The following LUZP2 variants were observed in gnomAD, a reference collection of about 807,000 sequenced individuals.
LUZP2 encodes leucine zipper protein 2.
A neutral mutation model predicts 51.6 loss-of-function variants in LUZP2; 52 were observed. The observed-to-expected ratio is 1.01, with a 90% CI of 0.81 to 1.27. The LOEUF (loss-of-function observed/expected upper bound fraction) is 1.27. Ranked by LOEUF, LUZP2 falls within the 50% of genes most tolerant of loss-of-function variation. LUZP2 has a pLI of 0.00. For synonymous variants in LUZP2, 154 were observed against 137.3 expected (o/e 1.12, Z -0.85); for missense variants, 436 against 395.4 (o/e 1.10, Z -0.87).
chr11:24,649,794 A>G (rs12362733), intron 1 of LUZP2, among the ~76,000 whole-genome samples: 21,466 of 151,746 alleles, frequency 0.14, 1,935 homozygotes, highest in Admixed American at 0.21. Context: ...GTTGCTGATG[A>G]TTTTTCAAGA....
At chr11:24,610,991 T>G (rs563257635) in intron 1 of LUZP2, among the ~76,000 whole-genome samples, 1 of 152,324 alleles carries the variant, frequency 6.6e-6, no homozygotes, top group South Asian at 2.1e-4. Flanking sequence ...TAAACCAGAG[T>G]TATACCTACA....
At chr11:24,671,668 TG>T (rs1051685956) in intron 1 of LUZP2, among the ~76,000 whole-genome samples, 1 of 152,012 alleles carries the variant, frequency 6.6e-6, no homozygotes, top group African/African-American at 2.4e-5. Context: ...TTATTCAAAG[TG>T]GGATAACTTT....
intron 6 of LUZP2, among the ~76,000 whole-genome samples, chr11:24,907,370 T>C (rs1351788267): frequency 6.6e-6 from 1 of 151,910 alleles, no homozygotes; most frequent in Non-Finnish European, 1.5e-5. Flanking sequence ...TATAATATCT[T>C]TCCTATAATA....
rs146715169 is a variant in LUZP2, at chr11:24,917,748, T to G, written c.522+3210T>G. On this transcript the variant is annotated intron_variant, in intron 7 of 11. Coordinates refer to ENST00000336930, the MANE Select transcript of LUZP2 (RefSeq NM_001009909.4). ...TTTTGGTTACTGTAGCCTTGTAGTA[T>G]AACTTTAAGTCAGGTAGCATGATGT... 9.7e-3 allele frequency among the ~76,000 whole-genome samples: 1,473 copies of G among 152,314 alleles called. 19 individuals carry two copies. The highest frequency in any genetic ancestry group is 0.044 in the South Asian group (212 of 4,832).
At chr11:24,667,431 G>A (rs554358256) in intron 1 of LUZP2, among the ~76,000 whole-genome samples, 6 of 151,960 alleles carry the variant, frequency 3.9e-5, no homozygotes, top group East Asian at 1.9e-4. Context: ...GTGATCTGCC[G>A]TCCTCAGCCT....
intron 5 of LUZP2, among the ~76,000 whole-genome samples, chr11:24,877,149 A>G (rs1294148120): frequency 4.6e-5 from 7 of 152,180 alleles, no homozygotes; most frequent in Non-Finnish European, 1.0e-4. Context: ...TAGCTATCAT[A>G]CTTGCAAAAT....
chr11:24,506,965 G>T (rs1850163246), intron 1 of LUZP2, among the ~76,000 whole-genome samples: 1 of 151,846 alleles, frequency 6.6e-6, no homozygotes, highest in Non-Finnish European at 1.5e-5. Context: ...TACTGGCAAA[G>T]GACTGCATGT....
At chr11:24,869,506 G>T (rs1004362500) in intron 5 of LUZP2, among the ~76,000 whole-genome samples, 1 of 151,892 alleles carries the variant, frequency 6.6e-6, no homozygotes, top group African/African-American at 2.4e-5. Context: ...GCCGAGGCTG[G>T]AGTGGAGTGG....
chr11:24,652,716 A>T (rs1424526104), intron 1 of LUZP2, among the ~76,000 whole-genome samples: 4 of 152,168 alleles, frequency 2.6e-5, no homozygotes, highest in Non-Finnish European at 5.9e-5. Flanking sequence ...ATGAAAAATA[A>T]TTCAGATGTC....
intron 1 of LUZP2, among the ~76,000 whole-genome samples, chr11:24,581,464 A>G (rs1852851359): frequency 6.6e-6 from 1 of 152,062 alleles, no homozygotes; most frequent in Non-Finnish European, 1.5e-5. Context: ...TGAGGCCAGG[A>G]GTTTGAGATC....
At chr11:24,895,358 T>A (rs1217721796) in intron 5 of LUZP2, among the ~76,000 whole-genome samples, 1 of 152,152 alleles carries the variant, frequency 6.6e-6, no homozygotes, top group African/African-American at 2.4e-5. Context: ...AACTTTTTTT[T>A]TAATTTATCC....
intron 5 of LUZP2, among the ~76,000 whole-genome samples, chr11:24,846,155 A>T (rs1367494513): frequency 6.6e-6 from 1 of 151,954 alleles, no homozygotes; most frequent in Non-Finnish European, 1.5e-5. Flanking sequence ...AAAAAACACT[A>T]TAATTTTGTT....
intron 5 of LUZP2, among the ~76,000 whole-genome samples, chr11:24,783,913 TTGC>T (rs952035266): frequency 2.3e-4 from 35 of 151,998 alleles, no homozygotes; most frequent in Middle Eastern, 3.4e-3. Context: ...TTTGTTGCTG[TTGC>T]TGTTGTTGTT....
intron 5 of LUZP2, among the ~76,000 whole-genome samples, chr11:24,871,652 A>G (rs1342642733): frequency 2.6e-5 from 4 of 152,038 alleles, no homozygotes; most frequent in African/African-American, 9.7e-5. Flanking sequence ...AGGTTCCCCA[A>G]ATGTATTTAA....
intron 7 of LUZP2, among the ~76,000 whole-genome samples, chr11:24,930,218 C>A (rs1854404827): frequency 6.6e-6 from 1 of 152,080 alleles, no homozygotes; most frequent in African/African-American, 2.4e-5. Flanking sequence ...AGCATTTAGG[C>A]CATTCACATT....
At chr11:24,832,142 G>T (rs990265660) in intron 5 of LUZP2, 5 of 152,012 alleles carry the variant, frequency 3.3e-5, no homozygotes, top group Admixed American at 3.3e-4. Context: ...TATAATGGAA[G>T]AAAAGAGAAA....
intron 5 of LUZP2, among the ~76,000 whole-genome samples, chr11:24,829,665 T>C (rs931842173): frequency 3.9e-5 from 6 of 152,226 alleles, no homozygotes; most frequent in Non-Finnish European, 8.8e-5. Context: ...CAAGATAAAC[T>C]GTTGATAAAT....
intron 2 of LUZP2, 68 bp downstream of exon 2, chr11:24,729,354 C>A: frequency 2.5e-6 from 2 of 785,462 alleles, no homozygotes; most frequent in Non-Finnish European, 4.0e-6. Context: ...AGTGGATTGA[C>A]ATGCATTTTT....
chr11:25,058,462 A>G (rs190894707), intron 10 of LUZP2, among the ~76,000 whole-genome samples: 35 of 152,286 alleles, frequency 2.3e-4, no homozygotes, highest in African/African-American at 7.5e-4. Flanking sequence ...GCATAATCTG[A>G]TAAATAATTA....
Sources: allele counts gnomAD v4.1 joint callset (sites outside exome capture counted in the v4.1 genomes callset), GRCh38; gene constraint gnomAD v4.1.1; transcripts MANE v1.5; gene names NCBI Gene and HGNC (gene_info 2026-07-23, HGNC 2026-07-21).